Variants in CEP68 observed in about 807,000 individuals in gnomAD.
The protein encoded by CEP68 is centrosomal protein 68, also known as centrosomal protein of 68 kDa.
A neutral mutation model predicts 55.3 loss-of-function variants in CEP68; 26 were observed. The observed-to-expected ratio is 0.47, with a 90% CI of 0.34 to 0.65. The LOEUF (loss-of-function observed/expected upper bound fraction) is 0.65, where lower values mean the gene tolerates loss of function less well. Among genes scored for constraint, CEP68 ranks in the 30% least tolerant of loss-of-function variants. The pLI is 0.01. For missense variants in CEP68, 957 were observed against 946.7 expected (o/e 1.01, Z -0.14); for synonymous variants, 402 against 383.2 (o/e 1.05, Z -0.57).
intron 1 of CEP68, among the ~76,000 whole-genome samples, chr2:65,060,540 G>T (rs1289314609): frequency 6.6e-6 from 1 of 151,870 alleles, no homozygotes; most frequent in Non-Finnish European, 1.5e-5. Flanking sequence ...GACCAGTCCG[G>T]GCAACATAGC....
In CEP68 at chr2:65,082,591, C is replaced by G. The variant is rs777921262; in HGVS notation, c.2160C>G (p.His720Gln). The G allele has an allele frequency of 5.6e-6, 9 of 1,608,458 alleles. No individual in the cohort carries two copies. Among genetic ancestry groups the G allele is most frequent in the Non-Finnish European group, 7.6e-6 (9 of 1,177,952 alleles). The change falls in exon 6 of 7, where the codon CAC becomes CAG. Residue 720 changes from histidine to glutamine, a missense_variant. Physicochemically the swap from His to Gln is conservative, Grantham distance 24 (BLOSUM62 0). Transcript: ENST00000377990. ...AGCAGTCTGGTGAGCTGGAGAGCCA[C>G]GCAGATCGCCTGTATGACTCTATCT... is the stretch of plus-strand genomic sequence containing the variant. Reference protein sequence around the residue: ...IAKQSGELESHADRLYDSILA... With the variant: ...IAKQSGELESQADRLYDSILA...
chr2:65,067,045 A>G (rs1676221957), intron 1 of CEP68, among the ~76,000 whole-genome samples: 1 of 151,850 alleles, frequency 6.6e-6, no homozygotes, highest in South Asian at 2.1e-4. Context: ...GGTTCTGAAT[A>G]GTATGACCTA....
In CEP68 at chr2:65,072,147, A is replaced by G; in HGVS notation, c.1051A>G (p.Thr351Ala). The stretch of plus-strand genomic sequence containing the variant: ...TCCAGCAAGCACCCTCAAATCACCT[A>G]CTAATGTCTCCCCCAACTGCCCACC... The part of the protein sequence containing the change: ...VSPASTLKSP[T>A]NVSPNCPPAE... The change falls in exon 3 of 7, where the codon ACT becomes GCT. Residue 351 changes from threonine to alanine, a missense_variant. Transcript: ENST00000377990. The G allele has an allele frequency of 1.9e-6, 3 of 1,613,666 alleles. No individual in the cohort carries two copies. Among genetic ancestry groups the G allele is most frequent in the Non-Finnish European group, 2.5e-6 (3 of 1,179,896 alleles).
intron 3 of CEP68, 181 bp downstream of exon 3, chr2:65,073,161 T>C: frequency 1.3e-6 from 1 of 766,472 alleles, no homozygotes; most frequent in Non-Finnish European, 2.3e-6. Context: ...GTTCTCATTT[T>C]ACTTTTTGGA....
At chr2:65,078,787 G>A (rs1558568144) in intron 5 of CEP68, among the ~76,000 whole-genome samples, 1 of 152,034 alleles carries the variant, frequency 6.6e-6, no homozygotes, top group African/African-American at 2.4e-5. Context: ...CAGGTGATTC[G>A]CCTGCCTCAG....
intron 3 of CEP68, 148 bp downstream of exon 3, chr2:65,073,128 A>G (rs774859368): frequency 4.0e-5 from 36 of 897,038 alleles, no homozygotes; most frequent in African/African-American, 1.2e-4. Context: ...TTCAGTCCTC[A>G]CAACTTTTAC....
chr2:65,080,751 G>C lies in CEP68; in HGVS notation c.2105-1785G>C, dbSNP rs193278036. Among the ~76,000 whole-genome samples, 1,125 of 152,288 alleles carry C rather than the reference G, an allele frequency of 7.4e-3. 13 individuals carry two copies. The highest frequency in any genetic ancestry group is 0.025 in the African/African-American group (1,030 of 41,550). ...GAGAGTCGCTTGAACCCGGGAGGCA[G>C]AGGTTGCAGTGAGCCGAGATCACGC... On this transcript the variant is annotated intron_variant, in intron 5 of 6. Coordinates refer to ENST00000377990, the MANE Select transcript of CEP68 (RefSeq NM_015147.3).
chr2:65,081,572 AAAAG>A (rs1018226522), intron 5 of CEP68, among the ~76,000 whole-genome samples: 10 of 152,370 alleles, frequency 6.6e-5, no homozygotes, highest in South Asian at 2.1e-4. Flanking sequence ...AATTTTTGAA[AAAAG>A]AAAGAAAAAA....
chr2:65,072,281 C>T lies in CEP68; in HGVS notation c.1185C>T (p.Ser395=), dbSNP rs1382737448. 11 of 1,614,042 alleles carry T rather than the reference C, an allele frequency of 6.8e-6. No individual in the cohort carries two copies. In the South Asian group the frequency reaches 1.1e-4, roughly 16 times the overall value. ...GTGGCATGGGCTTGGCATCTTGGAG[C>T]CAACTTGCATCTACCCCCAGAGCCC... ...KQGGMGLASW[S]QLASTPRAPG... is the part of the protein sequence containing the mutation. The change falls in exon 3 of 7, where the codon AGC becomes AGT. Residue 395 remains serine, a synonymous_variant. Transcript: ENST00000377990.
At chr2:65,074,585 T>TG in intron 4 of CEP68, 181 bp downstream of exon 4, 1 of 853,932 alleles carries the variant, frequency 1.2e-6, no homozygotes, top group South Asian at 1.5e-5. Flanking sequence ...ATGCATGAAT[T>TG]ATTTCCCAGG....
chr2:65,058,914 C>T (rs948545452), intron 1 of CEP68, among the ~76,000 whole-genome samples: 2 of 152,164 alleles, frequency 1.3e-5, no homozygotes, highest in African/African-American at 4.8e-5. Context: ...TCACCACCAA[C>T]TAAAGATTGA....
chr2:65,062,199 A>G (rs529405451), intron 1 of CEP68, among the ~76,000 whole-genome samples: 23 of 152,298 alleles, frequency 1.5e-4, no homozygotes, highest in African/African-American at 5.5e-4. Context: ...TCCCTGGGCA[A>G]AGTTGGTATA....
At chr2:65,056,792 C>G (rs921304868) in intron 1 of CEP68, among the ~76,000 whole-genome samples, 1 of 152,068 alleles carries the variant, frequency 6.6e-6, no homozygotes, top group Non-Finnish European at 1.5e-5. Context: ...GGGTCGGGGC[C>G]GAGGCGGGCG....
In CEP68 at chr2:65,072,840, G is replaced by T; in HGVS notation, c.1744G>T (p.Val582Phe). 1 of 1,614,184 alleles carries T rather than the reference G, an allele frequency of 6.2e-7. No homozygotes were observed. Among genetic ancestry groups the T allele is most frequent in the Non-Finnish European group, 8.5e-7 (1 of 1,180,044 alleles). The change falls in exon 3 of 7, where the codon GTC (valine) becomes TTC (phenylalanine). Residue 582 changes from valine (V) to phenylalanine (F), a missense_variant. Transcript: ENST00000377990. Reference sequence around the variant, plus strand: ...TCTGGGGAGCAGCCAGGCCCTCGGGGTCTCCTCTGGACTGCTGAAAACACG... The same window carrying T: ...TCTGGGGAGCAGCCAGGCCCTCGGGTTCTCCTCTGGACTGCTGAAAACACG... ...GSLGSSQALG[V>F]SSGLLKTRPS...
In CEP68 at chr2:65,079,497, G is replaced by A. The variant is rs796227939; in HGVS notation, c.2104+1533G>A. Among the ~76,000 whole-genome samples, 29 of 152,340 alleles carry A rather than the reference G, an allele frequency of 1.9e-4. 2 individuals carry two copies. The highest frequency in any genetic ancestry group is 6.7e-4 in the African/African-American group (28 of 41,578). ...CAGCAGGTAAGTGATTCTCTAGTGT[G>A]AATTATATGAGCTCTTTGCAATCCC... On this transcript the variant is annotated intron_variant, in intron 5 of 6. Coordinates refer to ENST00000377990, the MANE Select transcript of CEP68 (RefSeq NM_015147.3).
At chr2:65,076,070 G>A (rs1351408353) in intron 4 of CEP68, among the ~76,000 whole-genome samples, 1 of 151,262 alleles carries the variant, frequency 6.6e-6, no homozygotes, top group Admixed American at 6.6e-5. Flanking sequence ...CTCACTTTGA[G>A]GAACTCCACA....
At position 65,082,603 on chromosome 2, in the gene CEP68, G is replaced by A. The variant is rs560970351; in HGVS notation, c.2172G>A (p.Leu724=). The A allele has an allele frequency of 3.7e-6, 6 of 1,611,240 alleles. No individual in the cohort carries two copies. The highest frequency in any genetic ancestry group is 1.3e-5 in the African/African-American group (1 of 74,826). The change falls in exon 6 of 7, where the codon CTG becomes CTA. Residue 724 remains leucine (L), a synonymous_variant. Coordinates refer to ENST00000377990, the MANE Select transcript of CEP68 (RefSeq NM_015147.3). ...AGCTGGAGAGCCACGCAGATCGCCTGTATGACTCTATCTTGGCCTCTCTGG... is the reference window on the plus strand; with the variant it reads ...AGCTGGAGAGCCACGCAGATCGCCTATATGACTCTATCTTGGCCTCTCTGG... ...SGELESHADR[L]YDSILASLDM... is the part of the protein sequence containing the mutation.
At chr2:65,071,345 C>G (rs1423939128) in intron 2 of CEP68, 109 bp from the exon 3 acceptor site, 2 of 917,736 alleles carry the variant, frequency 2.2e-6, no homozygotes, top group African/African-American at 3.3e-5. Context: ...ATTTTAAGGT[C>G]TTTCCTAAAT....
chr2:65,071,052 C>G, intron 2 of CEP68: 1 of 219,962 alleles, frequency 4.5e-6, no homozygotes, highest in Non-Finnish European at 9.1e-6. Flanking sequence ...AGGATGGGGT[C>G]TGGGGCGACC....
Sources: gnomAD v4.1 joint callset for allele counts (sites outside exome capture counted in the v4.1 genomes callset) on GRCh38, gnomAD v4.1.1 for gene constraint, MANE v1.5 for transcripts, NCBI Gene and HGNC (gene_info 2026-07-23, HGNC 2026-07-21) for gene names.